ZNF423: variants seen among roughly 807,000 people sequenced by gnomAD.
ZNF423 encodes the protein zinc finger protein 423, also known as Ebf-associated zinc finger protein.
A neutral mutation model predicts 95.8 loss-of-function variants in ZNF423; 12 were observed. The ratio of observed to expected loss-of-function variants is 0.13; its 90% CI spans 0.08 to 0.20. The LOEUF (loss-of-function observed/expected upper bound fraction) is 0.20, where lower values mean the gene tolerates loss of function less well. ZNF423 is among the 10% of genes least tolerant of loss of function. The pLI is 1.00. For missense variants in ZNF423, 1,316 were observed against 1,737.1 expected (o/e 0.76, Z 4.31); for synonymous variants, 749 against 711.9 (o/e 1.05, Z -0.83).
rs147912110 is a variant in ZNF423 at position 49,696,425 on chromosome 16, A to G, written c.301+34346T>C. Reference sequence around the variant, plus strand: ...AAAGAAAGTGAAACAAGGCTACCAGAGAAGGACCTCATACCAGGGGCTCCC... The same window carrying G: ...AAAGAAAGTGAAACAAGGCTACCAGGGAAGGACCTCATACCAGGGGCTCCC... On this transcript the variant is annotated intron_variant, in intron 3 of 7. Transcript: ENST00000563137. 1.4e-3 allele frequency among the ~76,000 whole-genome samples: 211 copies of G among 152,340 alleles called. 3 individuals carry two copies. Among genetic ancestry groups the G allele is most frequent in the African/African-American group, 4.9e-3 (202 of 41,582 alleles).
At chr16:49,536,074 A>G (rs1969045366) in intron 5 of ZNF423, among the ~76,000 whole-genome samples, 1 of 152,210 alleles carries the variant, frequency 6.6e-6, no homozygotes, top group Admixed American at 6.5e-5. Context: ...AGCAACAGCA[A>G]TGTGTCAAAA....
intron 6 of ZNF423, among the ~76,000 whole-genome samples, chr16:49,524,603 G>A (rs946349970): frequency 6.6e-6 from 1 of 152,342 alleles, no homozygotes; most frequent in East Asian, 1.9e-4. Context: ...AGTGGCAGGA[G>A]TTCTGAGGTG....
chr16:49,770,661 G>A (rs1437570638), intron 2 of ZNF423, among the ~76,000 whole-genome samples: 1 of 152,138 alleles, frequency 6.6e-6, no homozygotes, highest in East Asian at 1.9e-4. Flanking sequence ...GAGTAGGTGG[G>A]AAAGGGGAGA....
Position 49,636,412 on chromosome 16 carries a change from C to T in ZNF423, c.2764G>A (p.Gly922Ser). The change falls in exon 4 of 8, where the codon GGC (glycine) becomes AGC (serine). Residue 922 changes from glycine to serine, a missense_variant. Gly to Ser is a moderately conservative substitution (Grantham distance 56). Coordinates refer to ENST00000563137, the MANE Select transcript of ZNF423 (RefSeq NM_001379286.1). The surrounding 1 kb of genome is among the most constrained non-coding windows in gnomAD (Gnocchi z 8.6). ...TTCTTGCGTGAGCCATCATCCTCGC[C>T]CGGCCGGATATTGTGGTCCCGCAGC... ...HRLRDHNIRP[G>S]EDDGSRKKAE... The T allele has an allele frequency of 6.2e-7, 1 of 1,613,354 alleles. No individual in the cohort carries two copies. Among genetic ancestry groups the T allele is most frequent in the South Asian group, 1.1e-5 (1 of 91,076 alleles).
At chr16:49,579,516 G>A (rs1032447780) in intron 5 of ZNF423, among the ~76,000 whole-genome samples, 1 of 152,144 alleles carries the variant, frequency 6.6e-6, no homozygotes, top group Non-Finnish European at 1.5e-5. Context: ...ATTACAGACC[G>A]TGGGGAGCTT....
chr16:49,726,207 C>T (rs553078293), intron 3 of ZNF423, among the ~76,000 whole-genome samples: 2 of 152,110 alleles, frequency 1.3e-5, no homozygotes, highest in African/African-American at 2.4e-5. Context: ...ACAGCGCAGA[C>T]GGAGCACCCA....
At position 49,489,752 on chromosome 16, in the gene ZNF423, C is replaced by T. The variant is rs1447258539; in HGVS notation, c.*1523G>A. 1.3e-5 allele frequency: 2 copies of T among 152,238 alleles called. No individual in the cohort carries two copies. Among genetic ancestry groups the T allele is most frequent in the African/African-American group, 2.4e-5 (1 of 41,434 alleles). 9.4% of individuals were successfully genotyped at this position (152,238 alleles called of 1,614,324 possible). A position where few individuals can be genotyped will look rare whatever the true frequency, so the allele number is the denominator to read the frequency against. ...GAGGGTAATAACCAATTTCCTTGCC[C>T]CTTGTGAAAAGTTAGCAAGGAAGGG... On this transcript the variant is annotated 3_prime_UTR_variant, in exon 8 of 8. Coordinates refer to ENST00000563137, the MANE Select transcript of ZNF423 (RefSeq NM_001379286.1).
intron 7 of ZNF423, chr16:49,518,636 G>A (rs905196660): frequency 2.2e-5 from 9 of 404,338 alleles, no homozygotes; most frequent in Non-Finnish European, 4.2e-5. Context: ...CCGACCTTCA[G>A]CCACTGACAA....
chr16:49,818,391 G>T (rs73577328), intron 1 of ZNF423, among the ~76,000 whole-genome samples: 32,903 of 152,006 alleles, frequency 0.22, 3,837 homozygotes, highest in African/African-American at 0.31. Context: ...CTACCCTCAT[G>T]TGAGTATTTA....
chr16:49,802,861 C>T (rs1045256604), intron 1 of ZNF423, among the ~76,000 whole-genome samples: 1 of 152,204 alleles, frequency 6.6e-6, no homozygotes, highest in African/African-American at 2.4e-5. Flanking sequence ...GCACAACTTT[C>T]CAGTATGTAA....
intron 2 of ZNF423, among the ~76,000 whole-genome samples, chr16:49,778,416 G>A (rs1204384503): frequency 1.3e-5 from 2 of 152,212 alleles, no homozygotes; most frequent in African/African-American, 2.4e-5. Flanking sequence ...ATTTCCTAAT[G>A]GGCACTGGCC....
chr16:49,816,079 G>A (rs986567331), intron 1 of ZNF423, among the ~76,000 whole-genome samples: 10 of 150,878 alleles, frequency 6.6e-5, no homozygotes, highest in African/African-American at 2.2e-4. Flanking sequence ...CCACTACGCC[G>A]GGCTAATTTT....
chr16:49,840,638 T>G (rs1567367594), intron 1 of ZNF423, among the ~76,000 whole-genome samples: 3 of 152,242 alleles, frequency 2.0e-5, no homozygotes, highest in African/African-American at 7.2e-5. Context: ...CTGGCACATA[T>G]GACCACTCAC....
intron 3 of ZNF423, among the ~76,000 whole-genome samples, chr16:49,725,676 G>T (rs1327399896): frequency 6.6e-6 from 1 of 152,208 alleles, no homozygotes; most frequent in East Asian, 1.9e-4. Flanking sequence ...GAGGGCTGCA[G>T]GGCGTGTGTT....
At chr16:49,628,187 C>G (rs1282328371) in intron 4 of ZNF423, among the ~76,000 whole-genome samples, 1 of 151,452 alleles carries the variant, frequency 6.6e-6, no homozygotes, top group Non-Finnish European at 1.5e-5. Context: ...CCCATCCACC[C>G]ATCCATCCAT....
chr16:49,837,258 A>T (rs2035130480), intron 1 of ZNF423, among the ~76,000 whole-genome samples: 1 of 152,158 alleles, frequency 6.6e-6, no homozygotes, highest in African/African-American at 2.4e-5. Flanking sequence ...CCTGCCTGCC[A>T]GCTGGACACA....
chr16:49,741,896 G>T (rs933441498), intron 2 of ZNF423, among the ~76,000 whole-genome samples: 1 of 152,262 alleles, frequency 6.6e-6, no homozygotes, highest in African/African-American at 2.4e-5. Context: ...TGGTACTCAT[G>T]CTGTGGATGC....
At chr16:49,821,494 C>T (rs1022065825) in intron 1 of ZNF423, among the ~76,000 whole-genome samples, 2 of 152,160 alleles carry the variant, frequency 1.3e-5, no homozygotes, top group African/African-American at 4.8e-5. Context: ...GAAGAACGCA[C>T]AGGATGAGGG....
intron 4 of ZNF423, among the ~76,000 whole-genome samples, chr16:49,630,196 A>C (rs967893909): frequency 1.1e-4 from 17 of 152,112 alleles, no homozygotes; most frequent in Admixed American, 9.8e-4. Context: ...AGACAAAGGA[A>C]GACGTCTAGG....
Sources: gnomAD v4.1 joint callset for allele counts (sites outside exome capture counted in the v4.1 genomes callset) on GRCh38, gnomAD v4.1.1 for gene constraint, Gnocchi (gnomAD v3.1) non-coding constraint, MANE v1.5 for transcripts, NCBI Gene and HGNC (gene_info 2026-07-23, HGNC 2026-07-21) for gene names.